FAM83H: variants seen among roughly 807,000 people sequenced by gnomAD.
The protein encoded by FAM83H is scaffolding CK1 anchoring protein H.
In FAM83H, 24 loss-of-function variants were observed where a neutral mutation model predicts 30.2. The observed-to-expected ratio is 0.79, with a 90% CI of 0.57 to 1.12. The LOEUF (loss-of-function observed/expected upper bound fraction) is 1.12, where lower values mean the gene tolerates loss of function less well. Ranked by LOEUF, FAM83H falls within the 50% of genes most tolerant of loss-of-function variation. The pLI is 0.00. For synonymous variants in FAM83H, 1,013 were observed against 821.7 expected, an observed-to-expected ratio of 1.23 and a Z score of -3.98; for missense variants, 2,038 against 1,773.9, an observed-to-expected ratio of 1.15 and a Z score of -2.67.
chr8:143,732,455 G>C, intron 1 of FAM83H: 2 of 985,336 alleles, frequency 2.0e-6, no homozygotes, highest in Non-Finnish European at 2.4e-6. Context: ...ACAGGGCAGG[G>C]GGAACAACCC....
At chr8:143,731,726 C>A (rs1233395541) in intron 1 of FAM83H, 2 of 985,370 alleles carry the variant, frequency 2.0e-6, no homozygotes, top group Admixed American at 6.1e-5. Context: ...AGAGTCCTGT[C>A]CCCACCAGCC....
At chr8:143,730,903 G>T (rs1429161361) in intron 1 of FAM83H, among the ~76,000 whole-genome samples, 1 of 152,118 alleles carries the variant, frequency 6.6e-6, no homozygotes, top group Non-Finnish European at 1.5e-5. Context: ...AAACCAGCCT[G>T]GGCAACACAG....
At chr8:143,731,585 G>C in intron 1 of FAM83H, 1 of 985,316 alleles carries the variant, frequency 1.0e-6, no homozygotes, top group Non-Finnish European at 1.2e-6. Flanking sequence ...CCTTCCCTTG[G>C]CCTACCTTTG....
chr8:143,730,800 C>T (rs928825299), intron 1 of FAM83H, among the ~76,000 whole-genome samples: 6 of 152,164 alleles, frequency 3.9e-5, no homozygotes, highest in African/African-American at 1.4e-4. Flanking sequence ...GCTGAGGGGA[C>T]ACTGGCAGAG....
Position 143,726,035 on chromosome 8 carries a change from T to C in FAM83H, c.3426A>G (p.Lys1142=). Residue 1142 remains lysine, a synonymous_variant, in exon 5 of 5, where the codon AAA becomes AAG. Transcript: ENST00000388913. Reference sequence around the variant, plus strand: ...CTGCCCCAGGGCTGCTGGCCTCCTCTTTCTTGCAGAAGACCTCGAAGCGGC... The same window carrying C: ...CTGCCCCAGGGCTGCTGGCCTCCTCCTTCTTGCAGAAGACCTCGAAGCGGC... The part of the protein sequence containing the change: ...VYSRFEVFCK[K]EEASSPGAGE... 6.2e-7 allele frequency: 1 copy of C among 1,612,744 alleles called. No homozygotes were observed. The highest frequency in any genetic ancestry group is 8.5e-7 in the Non-Finnish European group (1 of 1,179,862).
At position 143,726,266 on chromosome 8, in the gene FAM83H, G is replaced by C; in HGVS notation, c.3195C>G (p.Thr1065=). 1 of 1,612,216 alleles carries C rather than the reference G, an allele frequency of 6.2e-7. No homozygotes were observed. Among genetic ancestry groups the C allele is most frequent in the South Asian group, 1.1e-5 (1 of 91,038 alleles). ...GACGGCCTAGCTCGGGGCTGTTGTG[G>C]GTCGGGCCGGGGCTCGGGGCAGGGA... ...RAVPAPSPGP[T]HNSPELGRPP... is the part of the protein sequence containing the mutation. The change falls in exon 5 of 5, where the codon ACC becomes ACG. Residue 1065 remains threonine, a synonymous_variant. Coordinates refer to ENST00000388913, the MANE Select transcript of FAM83H (RefSeq NM_198488.5).
intron 4 of FAM83H, 27 bp downstream of exon 4, chr8:143,728,940 G>A: frequency 6.2e-7 from 1 of 1,613,152 alleles, no homozygotes; most frequent in Non-Finnish European, 8.5e-7. Context: ...CCCCAGAGAA[G>A]GGGGTGAGGG....
intron 4 of FAM83H, 40 bp downstream of exon 4, chr8:143,728,927 A>C (rs782507260): frequency 8.1e-6 from 13 of 1,612,382 alleles, no homozygotes; most frequent in African/African-American, 1.3e-5. Context: ...TTACAGGAGG[A>C]GGCCCCAGAG....
chr8:143,729,253 C>T lies in FAM83H; in HGVS notation c.518G>A (p.Arg173His), dbSNP rs782138987. 3.7e-6 allele frequency: 6 copies of T among 1,613,012 alleles called. No individual in the cohort carries two copies. Among genetic ancestry groups the T allele is most frequent in the East Asian group, 4.5e-5 (2 of 44,852 alleles). Residue 173 changes from arginine (R) to histidine (H), a missense_variant, in exon 3 of 5, where the codon CGT becomes CAT. Arg to His is a conservative substitution (Grantham distance 29, BLOSUM62 0). Transcript: ENST00000388913. ...CAGCAGGATGTAGACTGGGACCCGA[C>T]GGGCCGCGGCCTCCAGCACTTCGCT... Reference protein sequence around the residue: ...LLSEVLEAAARRVPVYILLDE... With the variant: ...LLSEVLEAAAHRVPVYILLDE...
In FAM83H at chr8:143,726,669, G is replaced by C. The variant is rs782399921; in HGVS notation, c.2792C>G (p.Pro931Arg). ...AAGGGTGAGGCTGCCCCTGCGCTCC[G>C]GCACGGGGGGCACCGGACTGCTCCT... ...ERRSSPVPPVPERRGSLTLTI... is the reference protein window; with the variant it reads ...ERRSSPVPPVRERRGSLTLTI... The change falls in exon 5 of 5, where the codon CCG becomes CGG. Residue 931 changes from proline to arginine, a missense_variant. Pro to Arg is a moderately radical substitution (Grantham distance 103, BLOSUM62 -2). Transcript: ENST00000388913. 2 of 1,595,434 alleles carry C rather than the reference G, an allele frequency of 1.3e-6. No individual in the cohort carries two copies. The highest frequency in any genetic ancestry group is 1.3e-5 in the African/African-American group (1 of 74,136).
Position 143,726,176 on chromosome 8 carries a change from G to A in FAM83H, c.3285C>T (p.Arg1095=), listed in dbSNP as rs782248381. Residue 1095 remains arginine (R), a synonymous_variant, in exon 5 of 5, where the codon CGC becomes CGT. Coordinates refer to ENST00000388913, the MANE Select transcript of FAM83H (RefSeq NM_198488.5). The part of the protein sequence containing the change: ...SDKDKCSAIF[R]SDSLGTQGRL... ...GGCCCTGGGTCCCCAAGCTGTCCGAGCGGAAGATGGCTGAACACTTGTCCT... is the reference window on the plus strand; with the variant it reads ...GGCCCTGGGTCCCCAAGCTGTCCGAACGGAAGATGGCTGAACACTTGTCCT... The A allele has an allele frequency of 8.0e-5, 129 of 1,612,136 alleles. No homozygotes were observed. Among genetic ancestry groups the A allele is most frequent in the Non-Finnish European group, 1.1e-4 (124 of 1,179,706 alleles).
At position 143,725,156 on chromosome 8, in the gene FAM83H, C is replaced by CGGGGGGGGGGGGGGGGAGG. The variant is rs1818236261; in HGVS notation, c.*764_*765insCCTCCCCCCCCCCCCCCCC. The stretch of plus-strand genomic sequence containing the variant: ...AAGCCCAGGCGGGGGAGGGGGGAGA[C>CGGGGGGGGGGGGGGGGAGG]GGGGGGGGGGGGGGGGGAGGGAAGG... On this transcript the variant is annotated 3_prime_UTR_variant, in exon 5 of 5. Transcript: ENST00000388913. The CGGGGGGGGGGGGGGGGAGG allele has an allele frequency of 2.7e-5, 1 of 37,534 alleles. No individual in the cohort carries two copies. The highest frequency in any genetic ancestry group is 1.4e-4 in the African/African-American group (1 of 7,312). The allele number at this position is 37,534 out of a possible 1,614,324, so 2.3% of individuals were successfully genotyped here.
Position 143,730,339 on chromosome 8 carries a change from T to A in FAM83H, c.244A>T (p.Ser82Cys). The A allele has an allele frequency of 3.1e-6, 5 of 1,613,806 alleles. No individual in the cohort carries two copies. The highest frequency in any genetic ancestry group is 4.2e-6 in the Non-Finnish European group (5 of 1,180,020). ...QYVTREPPEGSLLDVDMDGSS... is the reference protein window; with the variant it reads ...QYVTREPPEGCLLDVDMDGSS... ...CCATCCATGTCCACGTCGAGAAGGC[T>A]GCCTTCAGGTGGCTCTCGGGTAACA... The change falls in exon 2 of 5, where the codon AGC (serine) becomes TGC (cysteine). Residue 82 changes from serine (S) to cysteine (C), a missense_variant. Coordinates refer to ENST00000388913, the MANE Select transcript of FAM83H (RefSeq NM_198488.5).
chr8:143,730,706 A>T, intron 1 of FAM83H, 109 bp from the exon 2 acceptor site: 1 of 834,730 alleles, frequency 1.2e-6, no homozygotes, highest in Non-Finnish European at 1.8e-6. Flanking sequence ...GGTAGGCTGG[A>T]GTTTAGCCCA....
At chr8:143,731,337 A>C (rs1462981374) in intron 1 of FAM83H, 15 of 985,104 alleles carry the variant, frequency 1.5e-5, no homozygotes, top group Non-Finnish European at 1.8e-5. Flanking sequence ...GCCTACCTCT[A>C]CTGCACAACA....
intron 1 of FAM83H, chr8:143,732,200 G>A: frequency 1.0e-6 from 1 of 985,418 alleles, no homozygotes; most frequent in Non-Finnish European, 1.2e-6. Context: ...GTTGAGACAT[G>A]GGAAATACCT....
chr8:143,730,526 G>T lies in FAM83H; in HGVS notation c.57C>A (p.Tyr19Ter), dbSNP rs782541839. 6.3e-7 allele frequency: 1 copy of T among 1,578,440 alleles called. No homozygotes were observed. The highest frequency in any genetic ancestry group is 8.6e-7 in the Non-Finnish European group (1 of 1,159,718). Reference protein sequence around the residue: ...SQGDNPLAPGYLPPHYKEYYR... With the variant: ...SQGDNPLAPG The stretch of plus-strand genomic sequence containing the variant: ...AGTACTCTTTGTAGTGAGGCGGCAG[G>T]TACCCGGGTGCCAGTGGGTTGTCCC... Residue 19 changes from tyrosine (Y) to a stop codon, truncating the protein, a stop_gained, in exon 2 of 5, where the codon TAC becomes TAA. Transcript: ENST00000388913. LOFTEE classifies it high-confidence loss of function.
Position 143,728,277 on chromosome 8 carries a change from C to T in FAM83H, c.1184G>A (p.Gly395Asp). 6.6e-7 allele frequency: 1 copy of T among 1,517,426 alleles called. No homozygotes were observed. Among genetic ancestry groups the T allele is most frequent in the Non-Finnish European group, 8.8e-7 (1 of 1,136,244 alleles). The allele number at this position is 1,517,426 out of a possible 1,614,324, so 94.0% of individuals were successfully genotyped here. The change falls in exon 5 of 5, where the codon GGC becomes GAC. Residue 395 changes from glycine to aspartate, a missense_variant. Gly to Asp is a moderately conservative substitution (Grantham distance 94). Transcript: ENST00000388913. ...CTCCAGGTGCCGCGCCTGGAAGAAGCCCCGCGCGCCCGCGAGCTCCCCAGC... is the reference window on the plus strand; with the variant it reads ...CTCCAGGTGCCGCGCCTGGAAGAAGTCCCGCGCGCCCGCGAGCTCCCCAGC... ...GPAGELAGARGFFQARHLEMD... is the reference protein window; with the variant it reads ...GPAGELAGARDFFQARHLEMD...
chr8:143,732,900 G>A (rs1381404591), intron 1 of FAM83H, among the ~76,000 whole-genome samples: 2 of 151,842 alleles, frequency 1.3e-5, no homozygotes, highest in Non-Finnish European at 2.9e-5. Flanking sequence ...TCGAAGTCAG[G>A]GCCCTCAGCT....
Sources: gnomAD v4.1 joint callset for allele counts (sites outside exome capture counted in the v4.1 genomes callset) on GRCh38, gnomAD v4.1.1 for gene constraint, MANE v1.5 for transcripts, NCBI Gene and HGNC (gene_info 2026-07-23, HGNC 2026-07-21) for gene names.